Variants in TMC1 observed in about 807,000 individuals in gnomAD.
TMC1 encodes the protein transmembrane channel like 1.
TMC1 carries 84 observed loss-of-function variants against 105.8 expected under a neutral mutation model. The ratio of observed to expected loss-of-function variants is 0.79; its 90% CI spans 0.67 to 0.95. TMC1 has a LOEUF of 0.95. Ranked by LOEUF, TMC1 falls within the 40% of genes least tolerant of loss-of-function variation. The probability of loss-of-function intolerance (pLI) is 0.00; values close to 1 mark genes in which losing one functional copy is unlikely to be tolerated. For synonymous variants in TMC1, 315 were observed against 311.5 expected (o/e 1.01, Z -0.12); for missense variants, 817 against 914.1 (o/e 0.89, Z 1.37).
At chr9:72,703,279 A>G (rs901679715) in intron 8 of TMC1, among the ~76,000 whole-genome samples, 2 of 151,866 alleles carry the variant, frequency 1.3e-5, no homozygotes, top group Non-Finnish European at 2.9e-5. Flanking sequence ...TGTGCACACT[A>G]CCATGTTTGG....
At chr9:72,587,917 C>G (rs759345341) in intron 2 of TMC1, among the ~76,000 whole-genome samples, 1 of 151,702 alleles carries the variant, frequency 6.6e-6, no homozygotes, top group Non-Finnish European at 1.5e-5. Flanking sequence ...TCACAAATAG[C>G]CGGAATTACA....
At chr9:72,547,863 A>G (rs1031067790) in intron 1 of TMC1, among the ~76,000 whole-genome samples, 7 of 152,242 alleles carry the variant, frequency 4.6e-5, no homozygotes, top group African/African-American at 1.7e-4. Context: ...AATGCTTCAC[A>G]GTAAACATTT....
chr9:72,789,938 A>C (rs1194991385), intron 15 of TMC1, among the ~76,000 whole-genome samples: 2 of 152,200 alleles, frequency 1.3e-5, no homozygotes. Flanking sequence ...ATGCTATTCA[A>C]ATGAAGAAGG....
At chr9:72,550,811 A>G (rs1471488174) in intron 1 of TMC1, among the ~76,000 whole-genome samples, 1 of 152,064 alleles carries the variant, frequency 6.6e-6, no homozygotes, top group Non-Finnish European at 1.5e-5. Flanking sequence ...CCTGGAACCT[A>G]TAGCTAGATT....
rs374228902 is a variant in TMC1 at position 72,615,755 on chromosome 9, T to TA, written c.-305-613_-305-612insA. Among the ~76,000 whole-genome samples the TA allele has an allele frequency of 3.6e-3, 529 of 147,064 alleles. 4 individuals are homozygous for TA. The highest frequency in any genetic ancestry group is 0.013 in the African/African-American group (505 of 39,272). On this transcript the variant is annotated intron_variant, in intron 2 of 23. Transcript: ENST00000297784. Reference sequence around the variant, plus strand: ...CTTTTTGCTTTGACACCTTTCTTATTTTTTTTTTTTTTCTTCGAGATAGGG... The same window carrying TA: ...CTTTTTGCTTTGACACCTTTCTTATTATTTTTTTTTTTTCTTCGAGATAGGG...
intron 13 of TMC1, among the ~76,000 whole-genome samples, chr9:72,786,442 CAAACAAAAACA>C (rs1252005781): frequency 2.6e-5 from 4 of 152,084 alleles, no homozygotes; most frequent in Middle Eastern, 3.4e-3. Flanking sequence ...GACTCCTCCT[CAAACAAAAACA>C]AAACAAAAAC....
chr9:72,530,889 T>G (rs1167538358), intron 1 of TMC1, among the ~76,000 whole-genome samples: 2 of 151,458 alleles, frequency 1.3e-5, no homozygotes, highest in Admixed American at 1.3e-4. Context: ...GGTGTGATCT[T>G]GACTCACTGC....
At chr9:72,784,104 A>C (rs1012953186) in intron 13 of TMC1, among the ~76,000 whole-genome samples, 5 of 152,216 alleles carry the variant, frequency 3.3e-5, no homozygotes, top group Non-Finnish European at 7.3e-5. Context: ...TGCACAGCAA[A>C]AGAATTTATC....
intron 1 of TMC1, among the ~76,000 whole-genome samples, chr9:72,549,551 TCTTA>T (rs1823824963): frequency 6.6e-6 from 1 of 151,732 alleles, no homozygotes; most frequent in Non-Finnish European, 1.5e-5. Context: ...CAAGCAATTC[TCTTA>T]CTTCAGCCTC....
At chr9:72,623,892 T>C (rs1262787706) in intron 3 of TMC1, among the ~76,000 whole-genome samples, 1 of 152,190 alleles carries the variant, frequency 6.6e-6, no homozygotes, top group Non-Finnish European at 1.5e-5. Context: ...ATCTTGGTCC[T>C]AGTCTATATC....
intron 3 of TMC1, among the ~76,000 whole-genome samples, chr9:72,622,649 C>G (rs1192579646): frequency 6.6e-6 from 1 of 152,094 alleles, no homozygotes; most frequent in Non-Finnish European, 1.5e-5. Context: ...GTTAAAGGCT[C>G]AACAATACCA....
At chr9:72,819,716 A>G (rs1480696779) in intron 19 of TMC1, among the ~76,000 whole-genome samples, 1 of 152,226 alleles carries the variant, frequency 6.6e-6, no homozygotes, top group African/African-American at 2.4e-5. Context: ...TGTCTCTATA[A>G]TGAACCAAAT....
intron 13 of TMC1, among the ~76,000 whole-genome samples, chr9:72,782,564 T>C (rs1310727022): frequency 6.6e-6 from 1 of 152,210 alleles, no homozygotes; most frequent in Non-Finnish European, 1.5e-5. Flanking sequence ...GAAAACCACA[T>C]AGTCTCTGCC....
intron 13 of TMC1, among the ~76,000 whole-genome samples, chr9:72,775,980 T>C (rs1418221305): frequency 6.6e-6 from 1 of 152,178 alleles, no homozygotes; most frequent in Admixed American, 6.5e-5. Flanking sequence ...TCATAAAGAA[T>C]CTTCCCCTAT....
At chr9:72,765,434 C>T (rs977942454) in intron 12 of TMC1, among the ~76,000 whole-genome samples, 8 of 151,832 alleles carry the variant, frequency 5.3e-5, no homozygotes, top group Non-Finnish European at 4.4e-5. Flanking sequence ...TTACAAGTAT[C>T]TTGAACCAGC....
At chr9:72,829,810 G>A (rs960900142) in intron 21 of TMC1, among the ~76,000 whole-genome samples, 2 of 152,108 alleles carry the variant, frequency 1.3e-5, no homozygotes, top group Admixed American at 1.3e-4. Context: ...GTGAAGATAA[G>A]CATATTTATT....
At chr9:72,806,444 G>A (rs1828590215) in intron 18 of TMC1, among the ~76,000 whole-genome samples, 1 of 151,218 alleles carries the variant, frequency 6.6e-6, no homozygotes, top group Admixed American at 6.6e-5. Context: ...GCCGGGCGGA[G>A]ACGCTCCTCA....
At chr9:72,781,486 T>C (rs1400481315) in intron 13 of TMC1, among the ~76,000 whole-genome samples, 2 of 151,888 alleles carry the variant, frequency 1.3e-5, no homozygotes, top group Non-Finnish European at 2.9e-5. Context: ...CTGAATGAAA[T>C]TGAGACACAA....
At chr9:72,653,362 T>G (rs902981894) in intron 5 of TMC1, among the ~76,000 whole-genome samples, 2 of 152,198 alleles carry the variant, frequency 1.3e-5, no homozygotes, top group African/African-American at 4.8e-5. Flanking sequence ...TCAGGATTCC[T>G]CTGAAGTGGC....
Sources: allele counts gnomAD v4.1 joint callset (sites outside exome capture counted in the v4.1 genomes callset), GRCh38; gene constraint gnomAD v4.1.1; transcripts MANE v1.5; gene names NCBI Gene and HGNC (gene_info 2026-07-23, HGNC 2026-07-21).